The following PUS7L variants were observed in gnomAD, a reference collection of about 807,000 sequenced individuals.
PUS7L encodes the protein pseudouridylate synthase PUS7L.
A neutral mutation model predicts 51.1 loss-of-function variants in PUS7L; 49 were observed. That is an observed-to-expected ratio of 0.96 (90% CI 0.76 to 1.22). PUS7L has a LOEUF of 1.22. Ranked by LOEUF, PUS7L falls within the 50% of genes most tolerant of loss-of-function variation. PUS7L has a pLI of 0.00. For missense variants in PUS7L, 828 were observed against 820.6 expected, an observed-to-expected ratio of 1.01 and a Z score of -0.11; for synonymous variants, 277 against 276.2, an observed-to-expected ratio of 1.00 and a Z score of -0.03.
Position 43,748,460 on chromosome 12 carries a change from T to C in PUS7L, c.1060A>G (p.Thr354Ala). 2 of 1,585,082 alleles carry C rather than the reference T, an allele frequency of 1.3e-6. No homozygotes were observed. The highest frequency in any genetic ancestry group is 1.7e-6 in the Non-Finnish European group (2 of 1,172,514). The change falls in exon 3 of 9, where the codon ACT becomes GCT. Residue 354 changes from threonine to alanine, a missense_variant. By Grantham distance (58) the Thr-to-Ala change is moderately conservative. Transcript: ENST00000344862. ...TTAATATCTTATTACCTCTCTGGAGTCACTTTTCTAACAACCATTGCTTGA... is the reference window on the plus strand; with the variant it reads ...TTAATATCTTATTACCTCTCTGGAGCCACTTTTCTAACAACCATTGCTTGA... ...TYQAMVVRKV[T>A]PERLKNIEKE...
At chr12:43,739,437 T>G (rs1937779017) in intron 5 of PUS7L, 1 of 152,268 alleles carries the variant, frequency 6.6e-6, no homozygotes, top group South Asian at 2.1e-4. Context: ...AAATATCTTT[T>G]TTGTTTGTTT....
At chr12:43,750,943 A>G (rs1323194599) in intron 2 of PUS7L, among the ~76,000 whole-genome samples, 1 of 152,210 alleles carries the variant, frequency 6.6e-6, no homozygotes. Context: ...AGAAATCTAC[A>G]TAAATCGTTC....
chr12:43,735,587 G>A (rs1341758975), intron 7 of PUS7L, among the ~76,000 whole-genome samples: 3 of 151,204 alleles, frequency 2.0e-5, no homozygotes, highest in Admixed American at 6.6e-5. Flanking sequence ...TAAGTTTTGA[G>A]TCTCTAAGTC....
In PUS7L at chr12:43,730,213, C is replaced by A. The variant is rs1488524184; in HGVS notation, c.*163G>T. On this transcript the variant is annotated 3_prime_UTR_variant, in exon 9 of 9. Transcript: ENST00000344862. The stretch of plus-strand genomic sequence containing the variant: ...AATTTGGACCCTGACACTTACATAT[C>A]CTCTATAAAATTACAGTATCAAATC... 7 of 606,648 alleles carry A rather than the reference C, an allele frequency of 1.2e-5. No homozygotes were observed. In the Admixed American group the frequency reaches 2.1e-4, roughly 18 times the overall value. 37.6% of individuals were successfully genotyped at this position (606,648 alleles called of 1,614,324 possible).
At chr12:43,748,282 G>A (rs1404497592) in intron 3 of PUS7L, among the ~76,000 whole-genome samples, 168 bp downstream of exon 3, 2 of 151,984 alleles carry the variant, frequency 1.3e-5, no homozygotes, top group Non-Finnish European at 2.9e-5. Context: ...AAGGATCCAC[G>A]ATAATAAAGG....
rs1938212764 is a variant in PUS7L, at chr12:43,747,209, G to T, written c.1071-971C>A. On this transcript the variant is annotated intron_variant, in intron 3 of 8. Transcript: ENST00000344862. ...TTATAAGTTACAGATTTAAGTATAAGAATATTACTCATGGTATTATTTACA... is the reference window on the plus strand; with the variant it reads ...TTATAAGTTACAGATTTAAGTATAATAATATTACTCATGGTATTATTTACA... Among the ~76,000 whole-genome samples the T allele has an allele frequency of 3.3e-5, 5 of 152,256 alleles. No individual in the cohort carries two copies. The South Asian group carries it at 1.0e-3, about 32-fold the overall frequency.
intron 4 of PUS7L, among the ~76,000 whole-genome samples, chr12:43,743,859 A>G (rs1448925654): frequency 6.6e-6 from 1 of 152,240 alleles, no homozygotes; most frequent in African/African-American, 2.4e-5. Context: ...ATAACATAAG[A>G]TGACGTCCTA....
chr12:43,747,689 G>A (rs568125637), intron 3 of PUS7L, among the ~76,000 whole-genome samples: 3 of 151,956 alleles, frequency 2.0e-5, no homozygotes, highest in Admixed American at 6.5e-5. Flanking sequence ...GCAAAAATCC[G>A]TCTCAAAAAA....
chr12:43,752,449 A>C (rs1565644584), intron 2 of PUS7L, among the ~76,000 whole-genome samples: 2 of 152,246 alleles, frequency 1.3e-5, no homozygotes, highest in African/African-American at 4.8e-5. Context: ...ATGCTTACAA[A>C]GTAAATATCA....
At position 43,754,552 on chromosome 12, in the gene PUS7L, TAA is replaced by T. The variant is rs1938601679; in HGVS notation, c.692_693del (p.Phe231TyrfsTer3). On this transcript the variant is annotated frameshift_variant, in exon 2 of 9. Coordinates refer to ENST00000344862, the MANE Select transcript of PUS7L (RefSeq NM_031292.5). LOFTEE classifies it high-confidence loss of function. ...YLDAKKENSK[F>X]TFKPDTNKDH... is the part of the protein sequence containing the mutation. ...TCTTTGTTTGTATCAGGTTTAAAGG[TAA>T]ATTTGGAATTTTCTTTCTTTGCATC... 1 of 1,609,434 alleles carries T rather than the reference TAA, an allele frequency of 6.2e-7. No individual in the cohort carries two copies. Among genetic ancestry groups the T allele is most frequent in the African/African-American group, 1.3e-5 (1 of 74,426 alleles).
At chr12:43,756,114 T>C (rs1031016851) in intron 1 of PUS7L, among the ~76,000 whole-genome samples, 4 of 152,216 alleles carry the variant, frequency 2.6e-5, no homozygotes, top group African/African-American at 9.6e-5. Context: ...ACCTATAATG[T>C]ATTCTACTAA....
chr12:43,723,935 T>C lies in PUS7L; in HGVS notation c.*6441A>G, dbSNP rs1944425239. On this transcript the variant is annotated 3_prime_UTR_variant, in exon 9 of 9. Coordinates refer to ENST00000344862, the MANE Select transcript of PUS7L (RefSeq NM_031292.5). ...CCAAAACCATTCTGAACAAATGCAA[T>C]CATAACCCATTAATTCCCTTAAATT... is the stretch of plus-strand genomic sequence containing the variant. The C allele has an allele frequency of 6.6e-6, 1 of 152,030 alleles. No individual in the cohort carries two copies. Among genetic ancestry groups the C allele is most frequent in the Non-Finnish European group, 1.5e-5 (1 of 67,934 alleles). The allele number at this position is 152,030 out of a possible 1,614,324, so 9.4% of individuals were successfully genotyped here. A position where few individuals can be genotyped will look rare whatever the true frequency, so the allele number is the denominator to read the frequency against.
intron 7 of PUS7L, among the ~76,000 whole-genome samples, chr12:43,734,433 G>T (rs1944634367): frequency 6.6e-6 from 1 of 152,116 alleles, no homozygotes; most frequent in Admixed American, 6.6e-5. Flanking sequence ...ATCAATCATG[G>T]GCTTTCAGTT....
chr12:43,732,939 C>CT (rs1327056872), intron 7 of PUS7L, among the ~76,000 whole-genome samples: 3 of 152,062 alleles, frequency 2.0e-5, no homozygotes, highest in Non-Finnish European at 4.4e-5. Flanking sequence ...CATTTCTAGC[C>CT]TTTTTTCTTT....
At chr12:43,747,820 G>A (rs1048687470) in intron 3 of PUS7L, among the ~76,000 whole-genome samples, 8 of 152,134 alleles carry the variant, frequency 5.3e-5, no homozygotes, top group Admixed American at 2.0e-4. Context: ...ACGGAGTCTC[G>A]CTCTGTCGCC....
At position 43,719,927 on chromosome 12, in the gene PUS7L, A is replaced by G. The variant is rs2137636776; in HGVS notation, c.*10449T>C. On this transcript the variant is annotated 3_prime_UTR_variant, in exon 9 of 9. Coordinates refer to ENST00000344862, the MANE Select transcript of PUS7L (RefSeq NM_031292.5). ...TTTGGATTTGTAGATCGTCTCTTCT[A>G]TTCTGGTTTTATTTCATTCATTTCT... The G allele has an allele frequency of 6.6e-6, 1 of 152,148 alleles. No homozygotes were observed. The highest frequency in any genetic ancestry group is 1.5e-5 in the Non-Finnish European group (1 of 67,980). The allele number at this position is 152,148 out of a possible 1,614,324, so 9.4% of individuals were successfully genotyped here.
intron 4 of PUS7L, among the ~76,000 whole-genome samples, chr12:43,744,380 T>C (rs1442024171): frequency 6.6e-6 from 1 of 152,154 alleles, no homozygotes; most frequent in East Asian, 1.9e-4. Flanking sequence ...GTTCTCACGA[T>C]AGTGAGTTCT....
chr12:43,748,508 TA>T lies in PUS7L; in HGVS notation c.1011del (p.Asp339ThrfsTer15). 1 of 1,611,996 alleles carries T rather than the reference TA, an allele frequency of 6.2e-7. No individual in the cohort carries two copies. Among genetic ancestry groups the T allele is most frequent in the Non-Finnish European group, 8.5e-7 (1 of 1,179,422 alleles). ...VIPSDFSYAG[L>X]KDKKAITYQA... is the part of the protein sequence containing the mutation. ...TGATAGGTGATGGCTTTCTTGTCTTTAAGGCCTGCATAACTAAAATCCGAAG... is the reference window on the plus strand; with the variant it reads ...TGATAGGTGATGGCTTTCTTGTCTTTAGGCCTGCATAACTAAAATCCGAAG... On this transcript the variant is annotated frameshift_variant, in exon 3 of 9. Coordinates refer to ENST00000344862, the MANE Select transcript of PUS7L (RefSeq NM_031292.5). LOFTEE classifies it high-confidence loss of function.
At chr12:43,733,584 T>C (rs1437124558) in intron 7 of PUS7L, among the ~76,000 whole-genome samples, 1 of 152,218 alleles carries the variant, frequency 6.6e-6, no homozygotes, top group African/African-American at 2.4e-5. Context: ...AGAAGTCTTA[T>C]AAAACTCATG....
Sources: allele counts gnomAD v4.1 joint callset (sites outside exome capture counted in the v4.1 genomes callset), GRCh38; gene constraint gnomAD v4.1.1; transcripts MANE v1.5; gene names NCBI Gene and HGNC (gene_info 2026-07-23, HGNC 2026-07-21).